Variants in LRRC1 observed in about 807,000 individuals in gnomAD.
The protein encoded by LRRC1 is leucine rich repeat containing 1, also known as leucine-rich repeat-containing protein 1.
Under a neutral mutation model 69.9 loss-of-function variants are expected in LRRC1, and 28 were observed. The observed-to-expected ratio is 0.40, with a 90% confidence interval of 0.30 to 0.55. The LOEUF (loss-of-function observed/expected upper bound fraction) is 0.55, where lower values mean the gene tolerates loss of function less well. LRRC1 is among the 20% of genes least tolerant of loss of function. The pLI is 0.47. For missense variants in LRRC1, 498 were observed against 609.0 expected (o/e 0.82, Z 1.92); for synonymous variants, 236 against 240.2 (o/e 0.98, Z 0.16).
intron 1 of LRRC1, among the ~76,000 whole-genome samples, chr6:53,808,074 A>G (rs903074058): frequency 6.6e-6 from 1 of 152,252 alleles, no homozygotes; most frequent in Non-Finnish European, 1.5e-5. Flanking sequence ...GTGGCAGATC[A>G]TAAGCCTATG....
At position 53,816,422 on chromosome 6, in the gene LRRC1, AG is replaced by A. The variant is rs139891696; in HGVS notation, c.159+21008del. Among the ~76,000 whole-genome samples, 328 of 151,954 alleles carry A rather than the reference AG, an allele frequency of 2.2e-3. 2 individuals carry two copies. Among genetic ancestry groups the A allele is most frequent in the African/African-American group, 7.6e-3 (313 of 41,408 alleles). ...AGGTATATTTTAGGATTAGAATTGA[AG>A]CCCTTGGTATCTCTGTCAAAAGCTT... On this transcript the variant is annotated intron_variant, in intron 1 of 13. Transcript: ENST00000370888.
At chr6:53,877,791 G>A (rs1345987489) in intron 2 of LRRC1, among the ~76,000 whole-genome samples, 1 of 152,120 alleles carries the variant, frequency 6.6e-6, no homozygotes, top group Non-Finnish European at 1.5e-5. Flanking sequence ...AAATCTCTAG[G>A]AAGTTCCAAA....
rs543106700 is a variant in LRRC1, at chr6:53,795,233, G to T, written c.-24G>T. On this transcript the variant is annotated 5_prime_UTR_variant, in exon 1 of 14. Transcript: ENST00000370888. ...CCCGGGTCTCCGCCGCTCGGGACCC[G>T]GCTAGGCGGCGGCGGGGGCGGCGAT... 6 of 1,585,068 alleles carry T rather than the reference G, an allele frequency of 3.8e-6. No homozygotes were observed. Among genetic ancestry groups the T allele is most frequent in the Middle Eastern group, 3.9e-4 (2 of 5,174 alleles).
At position 53,879,156 on chromosome 6, in the gene LRRC1, T is replaced by A. The variant is rs1319595332; in HGVS notation, c.356+85T>A. The A allele has an allele frequency of 3.5e-6, 3 of 853,670 alleles. No homozygotes were observed. The East Asian group carries it at 7.8e-5, about 22-fold the overall frequency. 52.9% of individuals were successfully genotyped at this position (853,670 alleles called of 1,614,324 possible). A position where few individuals can be genotyped will look rare whatever the true frequency, so the allele number is the denominator to read the frequency against. On this transcript the variant is annotated intron_variant, in intron 3 of 13. Transcript: ENST00000370888. ...GCGGAGAACACAGTCAGGTTAACCA[T>A]CTTGGAGGTACCTAGATGGATCACT...
At chr6:53,873,181 T>G (rs191919051) in intron 2 of LRRC1, among the ~76,000 whole-genome samples, 1 of 152,180 alleles carries the variant, frequency 6.6e-6, no homozygotes, top group African/African-American at 2.4e-5. Context: ...TTGGTTAAAT[T>G]TATTCTTAGG....
intron 3 of LRRC1, 69 bp downstream of exon 3, chr6:53,879,140 ACAGT>A: frequency 9.4e-7 from 1 of 1,064,050 alleles, no homozygotes; most frequent in Admixed American, 1.9e-5. Context: ...AGCGGAGAAC[ACAGT>A]CAGGTTAACC....
At position 53,904,346 on chromosome 6, in the gene LRRC1, G is replaced by A. The variant is rs754458934; in HGVS notation, c.907-33G>A. 21 of 1,348,612 alleles carry A rather than the reference G, an allele frequency of 1.6e-5. 1 individual carries two copies. Among genetic ancestry groups the A allele is most frequent in the Non-Finnish European group, 1.9e-5 (18 of 947,212 alleles). The allele number at this position is 1,348,612 out of a possible 1,614,324, so 83.5% of individuals were successfully genotyped here. Reference sequence around the variant, plus strand: ...ACTGTGAGCCATGTTAAAAATGTGTGTTAAATTAATAGTGAAATTGTTATT... The same window carrying A: ...ACTGTGAGCCATGTTAAAAATGTGTATTAAATTAATAGTGAAATTGTTATT... On this transcript the variant is annotated intron_variant, in intron 9 of 13. Transcript: ENST00000370888.
At chr6:53,832,226 T>A (rs1765447664) in intron 1 of LRRC1, among the ~76,000 whole-genome samples, 1 of 152,226 alleles carries the variant, frequency 6.6e-6, no homozygotes, top group Non-Finnish European at 1.5e-5. Context: ...TGTTATCCTT[T>A]TATGGCAGTT....
chr6:53,881,236 T>C (rs556782660), intron 3 of LRRC1, among the ~76,000 whole-genome samples: 71 of 152,344 alleles, frequency 4.7e-4, no homozygotes, highest in Admixed American at 1.2e-3. Flanking sequence ...CTAAAGAAAC[T>C]GAGGCACATG....
At chr6:53,866,216 A>G (rs1000232340) in intron 2 of LRRC1, among the ~76,000 whole-genome samples, 2 of 152,110 alleles carry the variant, frequency 1.3e-5, no homozygotes, top group African/African-American at 4.8e-5. Flanking sequence ...AATCCTGTAC[A>G]TTTGCATACT....
chr6:53,805,756 T>C (rs1401441041), intron 1 of LRRC1, among the ~76,000 whole-genome samples: 1 of 152,226 alleles, frequency 6.6e-6, no homozygotes, highest in Non-Finnish European at 1.5e-5. Context: ...TTATCAATAC[T>C]GACTTTTGTG....
At chr6:53,823,826 C>G (rs1374110595) in intron 1 of LRRC1, among the ~76,000 whole-genome samples, 1 of 152,218 alleles carries the variant, frequency 6.6e-6, no homozygotes, top group Non-Finnish European at 1.5e-5. Flanking sequence ...TGATCTCATT[C>G]TCTTTCATGG....
chr6:53,867,971 A>T (rs4715430), intron 2 of LRRC1, among the ~76,000 whole-genome samples: 66,398 of 150,506 alleles, frequency 0.44, 14,928 homozygotes, highest in Middle Eastern at 0.52. Flanking sequence ...AAAAAAAAAA[A>T]TTTTTTTGTT....
intron 3 of LRRC1, among the ~76,000 whole-genome samples, chr6:53,879,861 C>T (rs1017278609): frequency 2.0e-5 from 3 of 152,170 alleles, no homozygotes; most frequent in Admixed American, 2.0e-4. Flanking sequence ...GTCCACTCAC[C>T]ATGGGCTTCC....
At position 53,896,815 on chromosome 6, in the gene LRRC1, A is replaced by AT. The variant is rs910243486; in HGVS notation, c.504-8dup. 6.4e-7 allele frequency: 1 copy of AT among 1,554,216 alleles called. No individual in the cohort carries two copies. The highest frequency in any genetic ancestry group is 1.4e-5 in the African/African-American group (1 of 73,428). On this transcript the variant is annotated splice_polypyrimidine_tract_variant and intron_variant, in intron 5 of 13. Transcript: ENST00000370888. Reference sequence around the variant, plus strand: ...AGTATTCTCTAAGTGCTCTTTATTTATTTTTTAAAATAGCTCTCTTACCCA... The same window carrying AT: ...AGTATTCTCTAAGTGCTCTTTATTTATTTTTTTAAAATAGCTCTCTTACCCA...
intron 2 of LRRC1, among the ~76,000 whole-genome samples, chr6:53,846,155 C>G (rs1765937227): frequency 6.6e-6 from 1 of 152,196 alleles, no homozygotes; most frequent in Non-Finnish European, 1.5e-5. Context: ...GCCTCACTTT[C>G]TGGGCCAAGA....
intron 1 of LRRC1, among the ~76,000 whole-genome samples, chr6:53,808,806 A>G (rs1764708416): frequency 1.3e-5 from 2 of 152,102 alleles, no homozygotes; most frequent in Non-Finnish European, 2.9e-5. Flanking sequence ...AGAGACATCC[A>G]TGACCCCTGC....
chr6:53,829,596 G>A (rs1305233016), intron 1 of LRRC1, among the ~76,000 whole-genome samples: 6 of 152,176 alleles, frequency 3.9e-5, no homozygotes, highest in Admixed American at 6.5e-5. Context: ...TCTCTCCCTG[G>A]TTGGTGCTAA....
At chr6:53,832,381 C>T (rs915461159) in intron 1 of LRRC1, among the ~76,000 whole-genome samples, 6 of 152,102 alleles carry the variant, frequency 3.9e-5, no homozygotes, top group Non-Finnish European at 7.4e-5. Context: ...ACATAGTTGG[C>T]ATAGTATGTA....
Sources: gnomAD v4.1 joint callset for allele counts (sites outside exome capture counted in the v4.1 genomes callset) on GRCh38, gnomAD v4.1.1 for gene constraint, MANE v1.5 for transcripts, NCBI Gene and HGNC (gene_info 2026-07-23, HGNC 2026-07-21) for gene names.